Variants in LY75 observed in about 807,000 individuals in gnomAD.
The protein encoded by LY75 is C-type lectin domain family 13 member B.
A neutral mutation model predicts 231.7 loss-of-function variants in LY75; 185 were observed. The ratio of observed to expected loss-of-function variants is 0.80; its 90% CI spans 0.71 to 0.90. The LOEUF (loss-of-function observed/expected upper bound fraction) is 0.90. Among genes scored for constraint, LY75 ranks in the 40% least tolerant of loss-of-function variants. LY75 has a pLI of 0.00. For synonymous variants in LY75, 668 were observed against 689.0 expected, an observed-to-expected ratio of 0.97 and a Z score of 0.48; for missense variants, 1,947 against 2,050.2, an observed-to-expected ratio of 0.95 and a Z score of 0.97.
intron 16 of LY75, among the ~76,000 whole-genome samples, chr2:159,857,231 G>C (rs1684574009): frequency 6.6e-6 from 1 of 152,200 alleles, no homozygotes; most frequent in East Asian, 1.9e-4. Flanking sequence ...AAAGAGATTT[G>C]CTACTACCTG....
intron 28 of LY75, among the ~76,000 whole-genome samples, chr2:159,826,953 TA>T (rs758702762): frequency 7.2e-5 from 11 of 151,984 alleles, no homozygotes; most frequent in Non-Finnish European, 1.5e-4. Flanking sequence ...TATACAAAAA[TA>T]AACTCAAGAT....
intron 27 of LY75, among the ~76,000 whole-genome samples, chr2:159,832,550 A>G (rs1021847322): frequency 1.3e-5 from 2 of 152,188 alleles, no homozygotes; most frequent in Admixed American, 1.3e-4. Flanking sequence ...AAAAGGCTTA[A>G]TATTTCCCAA....
At chr2:159,896,583 G>A (rs1352218615) in intron 2 of LY75, among the ~76,000 whole-genome samples, 1 of 152,106 alleles carries the variant, frequency 6.6e-6, no homozygotes, top group Non-Finnish European at 1.5e-5. Context: ...AAGAAGGTGG[G>A]GACAACAATC....
chr2:159,806,058 G>A (rs942315854), intron 34 of LY75, among the ~76,000 whole-genome samples: 2 of 152,144 alleles, frequency 1.3e-5, no homozygotes, highest in African/African-American at 4.8e-5. Context: ...TGATTTTTTA[G>A]ATCTTAGCTT....
intron 32 of LY75, among the ~76,000 whole-genome samples, chr2:159,809,329 C>T (rs76446429): frequency 2.6e-3 from 394 of 152,260 alleles, no homozygotes; most frequent in Non-Finnish European, 4.6e-3. Context: ...CCAATCATTG[C>T]TACTCTTTCT....
At chr2:159,814,005 T>C (rs1429290919) in intron 31 of LY75, 4 of 152,256 alleles carry the variant, frequency 2.6e-5, no homozygotes, top group African/African-American at 9.6e-5. Flanking sequence ...CCCTTTCTTT[T>C]ATTAACCTGC....
chr2:159,842,635 C>T (rs1684071667), intron 23 of LY75, among the ~76,000 whole-genome samples: 1 of 151,966 alleles, frequency 6.6e-6, no homozygotes, highest in Non-Finnish European at 1.5e-5. Context: ...GATAAAACAC[C>T]TCCAGCAATA....
chr2:159,865,071 T>C (rs374394675), intron 13 of LY75, 151 bp from the exon 14 acceptor site: 32 of 559,362 alleles, frequency 5.7e-5, no homozygotes, highest in Non-Finnish European at 5.6e-6. Context: ...TAATGTGGGG[T>C]AGTTACAGAA....
intron 14 of LY75, among the ~76,000 whole-genome samples, chr2:159,864,343 T>C (rs938961450): frequency 2.0e-5 from 3 of 152,122 alleles, no homozygotes; most frequent in African/African-American, 7.2e-5. Flanking sequence ...TTTCCCCCTG[T>C]GTTTTCTCCT....
chr2:159,834,030 A>G lies in LY75; in HGVS notation c.3841+14T>C. On this transcript the variant is annotated intron_variant, in intron 27 of 34. Coordinates refer to ENST00000263636, the MANE Select transcript of LY75 (RefSeq NM_002349.4). ...CCTTATAGCAACATGAGAATGGACTAATATAATACTTACTCAGTTTCTGGC... is the reference window on the plus strand; with the variant it reads ...CCTTATAGCAACATGAGAATGGACTGATATAATACTTACTCAGTTTCTGGC... The G allele has an allele frequency of 6.2e-7, 1 of 1,611,958 alleles. No individual in the cohort carries two copies. The highest frequency in any genetic ancestry group is 8.5e-7 in the Non-Finnish European group (1 of 1,179,376).
At chr2:159,901,571 T>C (rs1405156436) in intron 1 of LY75, among the ~76,000 whole-genome samples, 2 of 152,218 alleles carry the variant, frequency 1.3e-5, no homozygotes, top group Non-Finnish European at 2.9e-5. Flanking sequence ...TTCAAAATTT[T>C]TGTAGAATCC....
chr2:159,859,872 G>C (rs1357691038), intron 15 of LY75, among the ~76,000 whole-genome samples: 1 of 152,112 alleles, frequency 6.6e-6, no homozygotes. Context: ...AGTGTTAGCT[G>C]CTCCATCATC....
intron 16 of LY75, among the ~76,000 whole-genome samples, chr2:159,855,522 C>T (rs1268195107): frequency 6.6e-6 from 1 of 152,154 alleles, no homozygotes; most frequent in Non-Finnish European, 1.5e-5. Flanking sequence ...CAGATGGAAA[C>T]GGAGTAAATA....
chr2:159,838,705 G>T (rs948511327), intron 25 of LY75, among the ~76,000 whole-genome samples: 5 of 152,166 alleles, frequency 3.3e-5, no homozygotes, highest in African/African-American at 1.2e-4. Flanking sequence ...GCAAGTAAAT[G>T]CAATGCTATA....
intron 6 of LY75, among the ~76,000 whole-genome samples, chr2:159,883,286 AAAAAAAAG>A (rs535722365): frequency 0.011 from 1,701 of 149,738 alleles, 24 homozygotes; most frequent in African/African-American, 0.041. Context: ...TATAATTAAA[AAAAAAAAG>A]AAAAAAAAAT....
At chr2:159,808,199 T>C (rs1682845018) in intron 33 of LY75, 3 of 869,682 alleles carry the variant, frequency 3.4e-6, no homozygotes, top group Non-Finnish European at 2.8e-6. Context: ...ATCCCAGAAA[T>C]AAGCCTCTAG....
chr2:159,874,627 G>A (rs1337061168), intron 12 of LY75, among the ~76,000 whole-genome samples: 495 of 4,998 alleles, frequency 0.099, 4 homozygotes, highest in African/African-American at 0.12. Flanking sequence ...TATATATATA[G>A]TAAATATATG....
At chr2:159,846,232 C>A (rs111630379) in intron 23 of LY75, among the ~76,000 whole-genome samples, 7,165 of 151,726 alleles carry the variant, frequency 0.047, 513 homozygotes, top group African/African-American at 0.16. Flanking sequence ...AAAAAACACA[C>A]AAAAAACAGA....
intron 3 of LY75, among the ~76,000 whole-genome samples, chr2:159,892,054 G>A (rs761397654): frequency 6.6e-6 from 1 of 152,192 alleles, no homozygotes; most frequent in Non-Finnish European, 1.5e-5. Flanking sequence ...TCCTCCAAGT[G>A]TGGTTCCCAG....
Sources: allele counts gnomAD v4.1 joint callset (sites outside exome capture counted in the v4.1 genomes callset), GRCh38; gene constraint gnomAD v4.1.1; transcripts MANE v1.5; gene names NCBI Gene and HGNC (gene_info 2026-07-23, HGNC 2026-07-21).